Variants in RAB17 observed in about 807,000 individuals in gnomAD.
RAB17 encodes the protein RAB17, member RAS oncogene family, also known as ras-related protein Rab-17.
In RAB17, 15 loss-of-function variants were observed where a neutral mutation model predicts 19.3. The observed-to-expected ratio is 0.78, with a 90% confidence interval of 0.52 to 1.20. RAB17 has a LOEUF of 1.20. Among genes scored for constraint, RAB17 ranks in the 50% most tolerant of loss-of-function variants. The pLI, the probability that RAB17 is intolerant of heterozygous loss-of-function variation, is 0.00. For missense variants in RAB17, 262 were observed against 269.3 expected, an observed-to-expected ratio of 0.97 and a Z score of 0.19; for synonymous variants, 110 against 112.8, an observed-to-expected ratio of 0.97 and a Z score of 0.16.
At chr2:237,589,623 G>A (rs780885695) in intron 1 of RAB17, among the ~76,000 whole-genome samples, 41 of 152,102 alleles carry the variant, frequency 2.7e-4, no homozygotes, top group Admixed American at 6.5e-4. Context: ...TGAGAGGTTG[G>A]AGCCTTCTGT....
intron 2 of RAB17, chr2:237,578,630 G>A (rs866966784): frequency 1.1e-4 from 17 of 155,764 alleles, no homozygotes; most frequent in Non-Finnish European, 1.3e-4. Context: ...CTCGCCTCCT[G>A]CTAACCTCCC....
intron 1 of RAB17, 84 bp from the exon 2 acceptor site, chr2:237,586,241 G>A (rs1574937840): frequency 8.3e-6 from 12 of 1,441,930 alleles, no homozygotes; most frequent in Admixed American, 4.6e-5. Flanking sequence ...GCTGCTTCTC[G>A]GTCAGGAGCA....
intron 2 of RAB17, 123 bp from the exon 3 acceptor site, chr2:237,578,278 C>T (rs2081282474): frequency 2.1e-6 from 2 of 934,134 alleles, no homozygotes; most frequent in African/African-American, 3.3e-5. Flanking sequence ...CATGCATCTC[C>T]CACGCCCGCA....
At chr2:237,577,151 G>T (rs561013525) in intron 4 of RAB17, 106 bp downstream of exon 4, 4 of 1,359,672 alleles carry the variant, frequency 2.9e-6, no homozygotes, top group African/African-American at 2.9e-5. Context: ...AAGTGTGTGC[G>T]TGTGTGGGTG....
At chr2:237,584,334 C>T (rs886814837) in intron 2 of RAB17, among the ~76,000 whole-genome samples, 3 of 152,108 alleles carry the variant, frequency 2.0e-5, no homozygotes, top group Non-Finnish European at 2.9e-5. Flanking sequence ...TTGCGCTCAC[C>T]TAGTGAGTGC....
chr2:237,584,072 T>A (rs559327252), intron 2 of RAB17, among the ~76,000 whole-genome samples: 4 of 151,948 alleles, frequency 2.6e-5, no homozygotes, highest in Admixed American at 1.3e-4. Flanking sequence ...CCTGGCTTGC[T>A]GGAATGAAAG....
In RAB17 at chr2:237,577,087, G is replaced by A. The variant is rs117941929; in HGVS notation, c.435+170C>T. ...GTGCAAGTGAGAGTGAATGTGGGGG[G>A]TGTGCATGTGTGTAAATGCATGTGG... On this transcript the variant is annotated intron_variant, in intron 4 of 5. Coordinates refer to ENST00000264601, the MANE Select transcript of RAB17 (RefSeq NM_022449.4). 2.6e-4 allele frequency among the ~76,000 whole-genome samples: 39 copies of A among 152,124 alleles called. 1 individual carries two copies. In the East Asian group the frequency reaches 5.6e-3, roughly 22 times the overall value.
intron 3 of RAB17, 144 bp downstream of exon 3, chr2:237,577,860 A>G: frequency 1.1e-6 from 1 of 927,662 alleles, no homozygotes; most frequent in Non-Finnish European, 1.6e-6. Flanking sequence ...GGGGGTTGTC[A>G]GGAGGCCATC....
At position 237,574,538 on chromosome 2, in the gene RAB17, C is replaced by G. The variant is rs759130923; in HGVS notation, c.*481G>C. On this transcript the variant is annotated 3_prime_UTR_variant, in exon 6 of 6. Transcript: ENST00000264601. ...CCAAGATGTGGAAATCCTGGGCCCA[C>G]CCCACAGTCAGTCATCGCTCCATTT... 7.7e-6 allele frequency: 12 copies of G among 1,550,230 alleles called. No individual in the cohort carries two copies. The African/African-American group carries it at 1.6e-4, about 21-fold the overall frequency.
chr2:237,586,135 G>C lies in RAB17; in HGVS notation c.20C>G (p.Thr7Ser), dbSNP rs763014210. The part of the protein sequence containing the change: MAQAHR[T>S]PQPRAAPSQP... ...GCTGGGGGCAGCCCTGGGCTGGGGG[G>C]TCCTGTGTGCCTGTGCCATGCCCTG... Residue 7 changes from threonine to serine, a missense_variant, in exon 2 of 6, where the codon ACC becomes AGC. Transcript: ENST00000264601. The C allele has an allele frequency of 1.9e-6, 3 of 1,604,538 alleles. No homozygotes were observed. The highest frequency in any genetic ancestry group is 2.6e-6 in the Non-Finnish European group (3 of 1,176,368).
At chr2:237,590,176 T>TC (rs1197042223) in intron 1 of RAB17, among the ~76,000 whole-genome samples, 3 of 148,108 alleles carry the variant, frequency 2.0e-5, no homozygotes, top group Non-Finnish European at 4.5e-5. Flanking sequence ...TTTTTTTTTT[T>TC]CAAGACCTTA....
rs2081251126 is a variant in RAB17, at chr2:237,575,119, A to G, written c.539T>C (p.Leu180Pro). 1 of 1,613,004 alleles carries G rather than the reference A, an allele frequency of 6.2e-7. No homozygotes were observed. The highest frequency in any genetic ancestry group is 1.7e-5 in the Admixed American group (1 of 59,972). The change falls in exon 6 of 6, where the codon CTA becomes CCA. Residue 180 changes from leucine to proline, a missense_variant. Transcript: ENST00000264601. Reference sequence around the variant, plus strand: ...GCCCTCCTCGTCGCTTCTCTGCAGTAGCTCTTGGGCTGTGAACAGCAAGAG... The same window carrying G: ...GCCCTCCTCGTCGCTTCTCTGCAGTGGCTCTTGGGCTGTGAACAGCAAGAG... ...SEVFNTVAQE[L>P]LQRSDEEGQA... is the part of the protein sequence containing the mutation.
At chr2:237,586,446 G>A (rs1218133796) in intron 1 of RAB17, among the ~76,000 whole-genome samples, 6 of 152,188 alleles carry the variant, frequency 3.9e-5, no homozygotes, top group Admixed American at 1.3e-4. Flanking sequence ...ATGATTACAT[G>A]TGACGGTCTC....
chr2:237,585,137 T>C (rs1441159765), intron 2 of RAB17, among the ~76,000 whole-genome samples: 1 of 151,774 alleles, frequency 6.6e-6, no homozygotes, highest in Non-Finnish European at 1.5e-5. Context: ...TTTAGCTGGT[T>C]ATAGAATCCA....
chr2:237,581,582 G>A (rs775657040), intron 2 of RAB17, among the ~76,000 whole-genome samples: 14 of 152,134 alleles, frequency 9.2e-5, no homozygotes, highest in Non-Finnish European at 1.5e-4. Flanking sequence ...TATCATTTAA[G>A]TGGTTTTGCT....
At chr2:237,584,096 G>A (rs758005998) in intron 2 of RAB17, among the ~76,000 whole-genome samples, 12 of 152,086 alleles carry the variant, frequency 7.9e-5, no homozygotes, top group South Asian at 2.1e-4. Context: ...CTAGGGCCTC[G>A]CGCCTCATTG....
At chr2:237,579,229 G>T (rs2081290185) in intron 2 of RAB17, 1 of 152,218 alleles carries the variant, frequency 6.6e-6, no homozygotes, top group South Asian at 2.1e-4. Context: ...GTCTGTTGGG[G>T]AGATTCTGGC....
chr2:237,580,814 A>G (rs2081302969), intron 2 of RAB17, among the ~76,000 whole-genome samples: 1 of 152,214 alleles, frequency 6.6e-6, no homozygotes, highest in African/African-American at 2.4e-5. Context: ...CTAATGTAAA[A>G]TTCCAGCAAA....
intron 1 of RAB17, among the ~76,000 whole-genome samples, chr2:237,589,011 G>A (rs775451138): frequency 2.6e-5 from 4 of 152,218 alleles, no homozygotes; most frequent in South Asian, 2.1e-4. Flanking sequence ...CTTGAGGTCA[G>A]GAGTTGGAGA....
Sources: gnomAD v4.1 joint callset for allele counts (sites outside exome capture counted in the v4.1 genomes callset) on GRCh38, gnomAD v4.1.1 for gene constraint, MANE v1.5 for transcripts, NCBI Gene and HGNC (gene_info 2026-07-23, HGNC 2026-07-21) for gene names.